Variants in FBXW10B observed in about 807,000 individuals in gnomAD.
FBXW10B encodes F-box and WD repeat domain containing 10B.
the FBXW10B span, among the ~76,000 whole-genome samples, chr17:15,601,344 G>A: frequency 6.8e-6 from 1 of 147,200 alleles, no homozygotes; most frequent in Middle Eastern, 3.5e-3. Flanking sequence ...AGGAGGCGGA[G>A]CTGGCAGTGA....
At chr17:15,579,508 A>C in the FBXW10B span, among the ~76,000 whole-genome samples, 1 of 152,150 alleles carries the variant, frequency 6.6e-6, no homozygotes, top group Admixed American at 6.5e-5. Context: ...TACACGGGAA[A>C]TTAAAGTTAA....
the FBXW10B span, among the ~76,000 whole-genome samples, chr17:15,590,697 C>G: frequency 1.3e-5 from 2 of 150,462 alleles, no homozygotes; most frequent in African/African-American, 2.5e-5. Context: ...TTCCCTCAAA[C>G]CTTTATAGTG....
the FBXW10B span, chr17:15,598,620 T>G: frequency 1.9e-6 from 3 of 1,613,126 alleles, no homozygotes. Flanking sequence ...CACCGAAGAT[T>G]CGTGTGCAAA....
the FBXW10B span, among the ~76,000 whole-genome samples, chr17:15,613,220 T>C: frequency 6.6e-6 from 1 of 151,586 alleles, no homozygotes; most frequent in Non-Finnish European, 1.5e-5. Flanking sequence ...AATTTCATTT[T>C]AACTTAAAAA....
chr17:15,567,643 A>G, the FBXW10B span, among the ~76,000 whole-genome samples: 1 of 152,058 alleles, frequency 6.6e-6, no homozygotes, highest in African/African-American at 2.4e-5. Context: ...ACAGTGAGCT[A>G]TGATTGTACC....
chr17:15,609,436 C>G, the FBXW10B span, among the ~76,000 whole-genome samples: 1 of 152,088 alleles, frequency 6.6e-6, no homozygotes, highest in Non-Finnish European at 1.5e-5. Flanking sequence ...CTGGATTCTC[C>G]CAACCCAGGT....
At chr17:15,593,162 A>C in the FBXW10B span, 1 of 341,692 alleles carries the variant, frequency 2.9e-6, no homozygotes, top group Non-Finnish European at 4.1e-6. Context: ...GTTTTGTGCA[A>C]AGCCCTGTTA....
the FBXW10B span, among the ~76,000 whole-genome samples, chr17:15,589,608 A>AT: frequency 3.3e-5 from 5 of 151,678 alleles, no homozygotes; most frequent in East Asian, 7.8e-4. Flanking sequence ...AGATTCCTAC[A>AT]TTTTTTTGGT....
the FBXW10B span, among the ~76,000 whole-genome samples, chr17:15,605,658 A>AT: frequency 6.6e-6 from 1 of 152,188 alleles, no homozygotes; most frequent in East Asian, 1.9e-4. Context: ...ACACAAGGCA[A>AT]TTTTTTAACA....
the FBXW10B span, among the ~76,000 whole-genome samples, chr17:15,602,593 T>C: frequency 2.3e-5 from 3 of 132,636 alleles, no homozygotes; most frequent in Non-Finnish European, 4.7e-5. Flanking sequence ...ATTACATTCA[T>C]ATTGAGATTT....
chr17:15,618,009 C>T, the FBXW10B span, among the ~76,000 whole-genome samples: 1 of 152,222 alleles, frequency 6.6e-6, no homozygotes, highest in Admixed American at 6.5e-5. Context: ...CCAGCAACAT[C>T]AGCACTAGCT....
chr17:15,584,276 T>G, the FBXW10B span, among the ~76,000 whole-genome samples: 1 of 152,220 alleles, frequency 6.6e-6, no homozygotes, highest in Admixed American at 6.5e-5. Flanking sequence ...TTATAAATAT[T>G]AATGATGTTG....
At chr17:15,615,992 C>T in the FBXW10B span, 28 of 791,170 alleles carry the variant, frequency 3.5e-5, no homozygotes, top group Non-Finnish European at 4.0e-5. Flanking sequence ...AGAAAGCTTC[C>T]TGTTAGCTTT....
At chr17:15,573,925 G>T in the FBXW10B span, 4 of 463,206 alleles carry the variant, frequency 8.6e-6, no homozygotes, top group East Asian at 1.3e-4. Flanking sequence ...TCAATGCAAT[G>T]ACATTGTCAT....
At chr17:15,600,776 G>A in the FBXW10B span, among the ~76,000 whole-genome samples, 159 of 152,190 alleles carry the variant, frequency 1.0e-3, 2 homozygotes, top group Middle Eastern at 6.8e-3. Context: ...TCGGCCGGGC[G>A]CGGTGGCTCA....
At chr17:15,593,411 A>G in the FBXW10B span, 22 of 1,614,022 alleles carry the variant, frequency 1.4e-5, no homozygotes, top group South Asian at 2.2e-5. Context: ...TACAGTTCCC[A>G]TTGAAGAAAT....
the FBXW10B span, among the ~76,000 whole-genome samples, chr17:15,604,186 ATAAGT>A: frequency 2.6e-4 from 40 of 152,092 alleles, 2 homozygotes; most frequent in East Asian, 7.3e-3. Flanking sequence ...CTCAGTGAAA[ATAAGT>A]TAATTACTGC....
chr17:15,616,556 G>T, the FBXW10B span, among the ~76,000 whole-genome samples: 1 of 152,152 alleles, frequency 6.6e-6, no homozygotes, highest in East Asian at 2.0e-4. Context: ...TGTAATCCCA[G>T]CACTCTGGGA....
At chr17:15,581,967 A>G in the FBXW10B span, among the ~76,000 whole-genome samples, 1 of 152,058 alleles carries the variant, frequency 6.6e-6, no homozygotes, top group South Asian at 2.1e-4. Flanking sequence ...TTGAACTGGA[A>G]GCAAACTGCT....
Sources: gnomAD v4.1 joint callset for allele counts (sites outside exome capture counted in the v4.1 genomes callset) on GRCh38, gnomAD v4.1.1 for gene constraint, MANE v1.5 for transcripts, NCBI Gene and HGNC (gene_info 2026-07-23, HGNC 2026-07-21) for gene names.